MEIS1: variants seen among roughly 807,000 people sequenced by gnomAD.
MEIS1 encodes the protein Meis homeobox 1, also known as homeobox protein Meis1.
MEIS1 carries 5 observed loss-of-function variants against 50.8 expected under a neutral mutation model. The observed-to-expected ratio is 0.10, with a 90% CI of 0.05 to 0.21. The LOEUF is 0.21. Among genes scored for constraint, MEIS1 ranks in the 10% least tolerant of loss-of-function variants. The probability of loss-of-function intolerance (pLI) is 1.00; values close to 1 mark genes in which losing one functional copy is unlikely to be tolerated. For synonymous variants in MEIS1, 176 were observed against 179.3 expected (o/e 0.98, Z 0.15); for missense variants, 318 against 517.3 (o/e 0.61, Z 3.74).
chr2:66,537,344 C>T (rs1674546051), intron 8 of MEIS1, among the ~76,000 whole-genome samples: 1 of 152,194 alleles, frequency 6.6e-6, no homozygotes, highest in Non-Finnish European at 1.5e-5. Flanking sequence ...GTCTTGATCA[C>T]ATAGCAACCT....
rs1478672263 is a variant in MEIS1, at chr2:66,571,151, G to A, written c.*38-95G>A. On this transcript the variant is annotated intron_variant, in intron 12 of 12. Coordinates refer to ENST00000272369, the MANE Select transcript of MEIS1 (RefSeq NM_002398.3). The stretch of plus-strand genomic sequence containing the variant: ...AAAACCATGTTCCCTTAATCACAGG[G>A]TTCTCTGGCTTTTATAGGATTGTCA... 6.2e-6 allele frequency: 8 copies of A among 1,292,498 alleles called. 1 individual carries two copies. The Admixed American group carries it at 2.0e-4, about 32-fold the overall frequency. 80.1% of individuals were successfully genotyped at this position (1,292,498 alleles called of 1,614,324 possible).
chr2:66,548,644 A>C (rs1020782583), intron 9 of MEIS1, among the ~76,000 whole-genome samples: 1 of 152,190 alleles, frequency 6.6e-6, no homozygotes, highest in Non-Finnish European at 1.5e-5. Context: ...ATTCTGACTC[A>C]ATGTACAGCA....
intron 1 of MEIS1, chr2:66,437,536 G>T (rs1671826524): frequency 1.7e-6 from 1 of 600,292 alleles, no homozygotes; most frequent in Non-Finnish European, 3.0e-6. Flanking sequence ...CATCCCAGAC[G>T]AGTCTCGCTG....
intron 2 of MEIS1, among the ~76,000 whole-genome samples, chr2:66,438,514 G>T (rs887310091): frequency 3.3e-5 from 5 of 152,240 alleles, no homozygotes; most frequent in Admixed American, 3.3e-4. Context: ...TGAAGTCAAG[G>T]AGAGGAGCTT....
chr2:66,444,714 G>A (rs1672087078), intron 6 of MEIS1, among the ~76,000 whole-genome samples: 1 of 152,240 alleles, frequency 6.6e-6, no homozygotes, highest in Non-Finnish European at 1.5e-5. Context: ...TGGCCCGGGA[G>A]CTGTTGAGTG....
chr2:66,543,907 G>C (rs1674718527), intron 8 of MEIS1, among the ~76,000 whole-genome samples: 1 of 152,192 alleles, frequency 6.6e-6, no homozygotes, highest in African/African-American at 2.4e-5. Context: ...AATTTGCTTT[G>C]ATATCCCGAA....
chr2:66,510,070 G>A (rs1301601405), intron 7 of MEIS1, among the ~76,000 whole-genome samples: 1 of 152,158 alleles, frequency 6.6e-6, no homozygotes, highest in Non-Finnish European at 1.5e-5. Context: ...CAGGTCGTAT[G>A]TGTCTTTTCC....
intron 7 of MEIS1, among the ~76,000 whole-genome samples, chr2:66,479,008 G>A (rs1335238964): frequency 1.3e-5 from 2 of 152,206 alleles, no homozygotes; most frequent in Non-Finnish European, 2.9e-5. Flanking sequence ...ACAGATGTTT[G>A]CATCTATAAA....
chr2:66,484,660 G>T (rs551348831), intron 7 of MEIS1, among the ~76,000 whole-genome samples: 1 of 152,098 alleles, frequency 6.6e-6, no homozygotes, highest in African/African-American at 2.4e-5. Flanking sequence ...CTGGGTTCAA[G>T]CAATTCTCCT....
chr2:66,532,401 T>C (rs1183510916), intron 8 of MEIS1, among the ~76,000 whole-genome samples: 1 of 151,766 alleles, frequency 6.6e-6, no homozygotes, highest in Admixed American at 6.6e-5. Context: ...CATGTATCCT[T>C]TCAGAGAAAA....
In MEIS1 at chr2:66,567,518, C is replaced by CCTT; in HGVS notation, c.1024+8_1024+9insTTC. On this transcript the variant is annotated splice_region_variant and intron_variant, in intron 10 of 12. Coordinates refer to ENST00000272369, the MANE Select transcript of MEIS1 (RefSeq NM_002398.3). Reference sequence around the variant, plus strand: ...GACCAGTCCAACCGAGCAGGCAAGTCCCCCATAGTGACTGTATTCAAGTCA... The same window carrying CCTT: ...GACCAGTCCAACCGAGCAGGCAAGTCCTTCCCCATAGTGACTGTATTCAAGTCA... 6.2e-7 allele frequency: 1 copy of CCTT among 1,613,508 alleles called. No individual in the cohort carries two copies. Among genetic ancestry groups the CCTT allele is most frequent in the South Asian group, 1.1e-5 (1 of 90,990 alleles).
At chr2:66,486,494 A>G (rs1673145804) in intron 7 of MEIS1, among the ~76,000 whole-genome samples, 1 of 152,132 alleles carries the variant, frequency 6.6e-6, no homozygotes, top group African/African-American at 2.4e-5. Flanking sequence ...TGTTTTGGTT[A>G]CTGTAGCCTT....
intron 6 of MEIS1, among the ~76,000 whole-genome samples, chr2:66,448,781 G>A (rs2103706474): frequency 6.6e-6 from 1 of 152,170 alleles, no homozygotes; most frequent in Admixed American, 6.5e-5. Context: ...GGGACTAGCA[G>A]GGAAATGATC....
At chr2:66,469,899 AAGTT>A (rs142540302) in intron 7 of MEIS1, among the ~76,000 whole-genome samples, 127 of 152,134 alleles carry the variant, frequency 8.3e-4, no homozygotes, top group African/African-American at 3.0e-3. Context: ...TGAAAACACA[AAGTT>A]AATACTGCTT....
intron 5 of MEIS1, among the ~76,000 whole-genome samples, chr2:66,442,321 G>A (rs1672010749): frequency 1.4e-5 from 2 of 146,970 alleles, no homozygotes; most frequent in Admixed American, 1.4e-4. Context: ...TTGTGTGGCT[G>A]TATGTTTTCC....
intron 12 of MEIS1, 107 bp from the exon 13 acceptor site, chr2:66,571,139 C>T: frequency 1.8e-6 from 2 of 1,121,904 alleles, no homozygotes; most frequent in African/African-American, 1.6e-5. Context: ...ACCATGTTCC[C>T]TTAATCACAG....
At chr2:66,444,958 T>TA (rs1345392639) in intron 6 of MEIS1, among the ~76,000 whole-genome samples, 2 of 152,076 alleles carry the variant, frequency 1.3e-5, no homozygotes, top group Non-Finnish European at 2.9e-5. Context: ...AAGTCAAAGA[T>TA]AAAAGACCAA....
At chr2:66,524,818 T>C (rs539725356) in intron 8 of MEIS1, among the ~76,000 whole-genome samples, 2 of 152,278 alleles carry the variant, frequency 1.3e-5, no homozygotes, top group South Asian at 2.1e-4. Flanking sequence ...TTAACTGAGG[T>C]ATAACAAGTA....
At chr2:66,550,247 G>A (rs916189631) in intron 9 of MEIS1, among the ~76,000 whole-genome samples, 1 of 152,118 alleles carries the variant, frequency 6.6e-6, no homozygotes, top group African/African-American at 2.4e-5. Context: ...CTCTCTACTT[G>A]TATATATATG....
Sources: gnomAD v4.1 joint callset for allele counts (sites outside exome capture counted in the v4.1 genomes callset) on GRCh38, gnomAD v4.1.1 for gene constraint, MANE v1.5 for transcripts, NCBI Gene and HGNC (gene_info 2026-07-23, HGNC 2026-07-21) for gene names.